The following ATG9A variants were observed in gnomAD, a reference collection of about 807,000 sequenced individuals.
ATG9A encodes autophagy-related protein 9A.
ATG9A carries 21 observed loss-of-function variants against 87.1 expected under a neutral mutation model. The ratio of observed to expected loss-of-function variants is 0.24; its 90% CI spans 0.17 to 0.35. The LOEUF is 0.35. Among genes scored for constraint, ATG9A ranks in the 10% least tolerant of loss-of-function variants. The probability of loss-of-function intolerance (pLI) is 1.00; values close to 1 mark genes in which losing one functional copy is unlikely to be tolerated. For missense variants in ATG9A, 836 were observed against 1,107.3 expected (o/e 0.76, Z 3.48); for synonymous variants, 422 against 441.3 (o/e 0.96, Z 0.55).
intron 6 of ATG9A, 97 bp downstream of exon 6, chr2:219,225,314 A>C: frequency 6.3e-7 from 1 of 1,595,492 alleles, no homozygotes; most frequent in Non-Finnish European, 8.6e-7. Context: ...AGCCTGAGTC[A>C]GTTCTGGAGT....
rs1451522985 is a variant in ATG9A at position 219,222,291 on chromosome 2, T to G, written c.2008A>C (p.Ser670Arg). The change falls in exon 12 of 16, where the codon AGC (serine) becomes CGC (arginine). Residue 670 changes from serine to arginine, a missense_variant. Ser to Arg is a moderately radical substitution (Grantham distance 110). This residue lies in a region of ATG9A where 324 missense variants were observed against 347.6 expected (regional missense o/e 0.93). Coordinates refer to ENST00000361242, the MANE Select transcript of ATG9A (RefSeq NM_001077198.3). This position sits in a 1 kb window ranked among gnomAD's most constrained non-coding sequence, Gnocchi z 4.3. ...ACTCACCCAGAGCCTGTCATGGTGC[T>G]GTGAGCCCGGCCTGTGGGCGCCTGC... Reference protein sequence around the residue: ...PGQAPTGRAHSTMTGSGVDAR... With the variant: ...PGQAPTGRAHRTMTGSGVDAR... 2 of 1,613,332 alleles carry G rather than the reference T, an allele frequency of 1.2e-6. No homozygotes were observed. Among genetic ancestry groups the G allele is most frequent in the African/African-American group, 2.7e-5 (2 of 74,934 alleles).
In ATG9A at chr2:219,224,072, A is replaced by G; in HGVS notation, c.1265+34T>C. 4 of 1,607,322 alleles carry G rather than the reference A, an allele frequency of 2.5e-6. No homozygotes were observed. Among genetic ancestry groups the G allele is most frequent in the East Asian group, 2.2e-5 (1 of 44,790 alleles). On this transcript the variant is annotated intron_variant, in intron 8 of 15. Coordinates refer to ENST00000361242, the MANE Select transcript of ATG9A (RefSeq NM_001077198.3). The surrounding 1 kb of genome is among the most constrained non-coding windows in gnomAD (Gnocchi z 7.7). ...GATGTATGCCTTTCCCAGGAATGCT[A>G]GCCGGCTTGCTCCCGCCTGTGGCCC...
At position 219,220,360 on chromosome 2, in the gene ATG9A, C is replaced by A; in HGVS notation, c.*87G>T. On this transcript the variant is annotated 3_prime_UTR_variant, in exon 16 of 16. Transcript: ENST00000361242. ...CACACACGTGGGGCCAGGGAACACT[C>A]AGAGGAGCCGTCCCATGGCAGGCAG... 1 of 1,534,268 alleles carries A rather than the reference C, an allele frequency of 6.5e-7. No homozygotes were observed.
rs756551689 is a variant in ATG9A at position 219,222,474 on chromosome 2, A to G, written c.1849-24T>C. ...GGCTATGAACGAAACGGGTAGGTAGAATTCTTGAGGCAAGAGAAAGGTCTC... is the reference window on the plus strand; with the variant it reads ...GGCTATGAACGAAACGGGTAGGTAGGATTCTTGAGGCAAGAGAAAGGTCTC... On this transcript the variant is annotated intron_variant, in intron 11 of 15. Transcript: ENST00000361242. The surrounding 1 kb of genome is among the most constrained non-coding windows in gnomAD (Gnocchi z 4.3). 3.2e-6 allele frequency: 5 copies of G among 1,544,270 alleles called. No homozygotes were observed. Among genetic ancestry groups the G allele is most frequent in the Non-Finnish European group, 3.5e-6 (4 of 1,147,136 alleles).
chr2:219,226,790 T>G (rs1950870158), intron 5 of ATG9A, 79 bp downstream of exon 5: 1 of 1,361,430 alleles, frequency 7.3e-7, no homozygotes, highest in Admixed American at 1.7e-5. Flanking sequence ...ACTGGCAGGT[T>G]GGGCCAAGTG....
rs752575134 is a variant in ATG9A at position 219,224,891 on chromosome 2, G to A, written c.517-37C>T. On this transcript the variant is annotated intron_variant, in intron 7 of 15. Transcript: ENST00000361242. This position sits in a 1 kb window ranked among gnomAD's most constrained non-coding sequence, Gnocchi z 7.7. Reference sequence around the variant, plus strand: ...GGTGGGGAAGAGACAAGGTACGGAAGGTGGGGTTGTTGCCTCGACCCCTTT... The same window carrying A: ...GGTGGGGAAGAGACAAGGTACGGAAAGTGGGGTTGTTGCCTCGACCCCTTT... 4.4e-6 allele frequency: 7 copies of A among 1,605,422 alleles called. No individual in the cohort carries two copies. Among genetic ancestry groups the A allele is most frequent in the Non-Finnish European group, 6.0e-6 (7 of 1,175,266 alleles).
chr2:219,224,768 A>G lies in ATG9A; in HGVS notation c.603T>C (p.Arg201=), dbSNP rs959321206. The G allele has an allele frequency of 3.7e-6, 6 of 1,614,094 alleles. No individual in the cohort carries two copies. The highest frequency in any genetic ancestry group is 5.1e-6 in the Non-Finnish European group (6 of 1,179,958). The change falls in exon 8 of 16, where the codon CGT becomes CGC. Residue 201 remains arginine (R), a synonymous_variant. Coordinates refer to ENST00000361242, the MANE Select transcript of ATG9A (RefSeq NM_001077198.3). The surrounding 1 kb of genome is among the most constrained non-coding windows in gnomAD (Gnocchi z 7.7). The part of the protein sequence containing the change: ...QKEHQICIHK[R]ELTELDIYHR... ...GGTAGATGTCCAGTTCTGTCAGCTC[A>G]CGTTTGTGGATGCAGATCTGGTGCT...
rs990039505 is a variant in ATG9A, at chr2:219,223,212, C to A, written c.1600-319G>T. On this transcript the variant is annotated intron_variant, in intron 10 of 15. Transcript: ENST00000361242. The surrounding 1 kb of genome is among the most constrained non-coding windows in gnomAD (Gnocchi z 4.7). Reference sequence around the variant, plus strand: ...ACGCCATTCTCCTGCCTCAGCCTCCCGAGTAGCTGGGACTACAGGCGCCCG... The same window carrying A: ...ACGCCATTCTCCTGCCTCAGCCTCCAGAGTAGCTGGGACTACAGGCGCCCG... Among the ~76,000 whole-genome samples the A allele has an allele frequency of 6.6e-6, 1 of 152,008 alleles. No homozygotes were observed. The highest frequency in any genetic ancestry group is 2.4e-5 in the African/African-American group (1 of 41,380).
rs1950902780 is a variant in ATG9A, at chr2:219,228,082, G to T, written c.-29-29C>A. 3 of 1,501,988 alleles carry T rather than the reference G, an allele frequency of 2.0e-6. No homozygotes were observed. In the Admixed American group the frequency reaches 5.4e-5, roughly 27 times the overall value. 93.0% of individuals were successfully genotyped at this position (1,501,988 alleles called of 1,614,324 possible). A position where few individuals can be genotyped will look rare whatever the true frequency, so the allele number is the denominator to read the frequency against. On this transcript the variant is annotated intron_variant, in intron 2 of 15. Transcript: ENST00000361242. ...CCAATAAGGAGGAAGAAGAGACCCT[G>T]ATTCAGTTCCAGCTGCTGCCCATGG...
rs369031181 is a variant in ATG9A, at chr2:219,224,120, G to T, written c.1251C>A (p.Thr417=). The T allele has an allele frequency of 1.0e-4, 166 of 1,613,330 alleles. No individual in the cohort carries two copies. In the African/African-American group the frequency reaches 1.8e-3, roughly 17 times the overall value. ...CCCTGGCCCACCTGCACACGGTCAC[G>T]GTGACCCCCAGGAGTGTGACGGTGG... ...VLTTVTLLGV[T]VTVCRSFIPD... Residue 417 remains threonine (T), a synonymous_variant, in exon 8 of 16, where the codon ACC becomes ACA. Coordinates refer to ENST00000361242, the MANE Select transcript of ATG9A (RefSeq NM_001077198.3). This position sits in a 1 kb window ranked among gnomAD's most constrained non-coding sequence, Gnocchi z 7.7.
Position 219,223,038 on chromosome 2 carries a change from G to C in ATG9A, c.1600-145C>G. 2 of 996,042 alleles carry C rather than the reference G, an allele frequency of 2.0e-6. No homozygotes were observed. Among genetic ancestry groups the C allele is most frequent in the Non-Finnish European group, 1.4e-6 (1 of 692,920 alleles). 61.7% of individuals were successfully genotyped at this position (996,042 alleles called of 1,614,324 possible). A position where few individuals can be genotyped will look rare whatever the true frequency, so the allele number is the denominator to read the frequency against. On this transcript the variant is annotated intron_variant, in intron 10 of 15. Transcript: ENST00000361242. This position sits in a 1 kb window ranked among gnomAD's most constrained non-coding sequence, Gnocchi z 4.7. Reference sequence around the variant, plus strand: ...TTCCCAGGGCACTGGTGCCCCCCCAGACCCAGGAGGGGCTGCACTGCATGC... The same window carrying C: ...TTCCCAGGGCACTGGTGCCCCCCCACACCCAGGAGGGGCTGCACTGCATGC...
In ATG9A at chr2:219,221,179, G is replaced by T. The variant is rs770757454; in HGVS notation, c.2269C>A (p.Pro757Thr). The T allele has an allele frequency of 6.2e-7, 1 of 1,601,140 alleles. No homozygotes were observed. The highest frequency in any genetic ancestry group is 1.1e-5 in the South Asian group (1 of 89,514). The change falls in exon 14 of 16, where the codon CCT (proline) becomes ACT (threonine). Residue 757 changes from proline to threonine, a missense_variant. Physicochemically the swap from Pro to Thr is conservative, Grantham distance 38. This residue lies in a region of ATG9A where 324 missense variants were observed against 347.6 expected (regional missense o/e 0.93). Transcript: ENST00000361242. ...GEGARAPQSI[P>T]RSASYPCAAP... ...GCACAGGGATAGCTAGCAGAGCGAGGGATAGACTGGGGGGCCCGGGCGCCC... is the reference window on the plus strand; with the variant it reads ...GCACAGGGATAGCTAGCAGAGCGAGTGATAGACTGGGGGGCCCGGGCGCCC...
chr2:219,226,619 C>T (rs1950866466), intron 5 of ATG9A, among the ~76,000 whole-genome samples: 1 of 151,986 alleles, frequency 6.6e-6, no homozygotes, highest in African/African-American at 2.4e-5. Context: ...ACCTGGGAGG[C>T]AGAGGTTGCA....
Position 219,221,280 on chromosome 2 carries a change from G to A in ATG9A, c.2168C>T (p.Ala723Val), listed in dbSNP as rs768091717. 2 of 1,566,120 alleles carry A rather than the reference G, an allele frequency of 1.3e-6. No homozygotes were observed. The highest frequency in any genetic ancestry group is 1.7e-6 in the Non-Finnish European group (2 of 1,157,186). Reference sequence around the variant, plus strand: ...GTGCCATACATGCCGCTCAGGTTCAGCCTGGGCCTGCTGCTTGTGGAGCTG... The same window carrying A: ...GTGCCATACATGCCGCTCAGGTTCAACCTGGGCCTGCTGCTTGTGGAGCTG... ...MHQLHKQQAQ[A>V]EPERHVWHRR... The change falls in exon 14 of 16, where the codon GCT (alanine) becomes GTT (valine). Residue 723 changes from alanine (A) to valine (V), a missense_variant. Ala to Val is a moderately conservative substitution (Grantham distance 64). Around this residue, in one of 2 missense-constraint regions of ATG9A, gnomAD observed 324 missense variants for 347.6 expected, o/e 0.93. Transcript: ENST00000361242.
chr2:219,227,763 A>C lies in ATG9A; in HGVS notation c.147+7T>G. On this transcript the variant is annotated splice_region_variant and intron_variant, in intron 4 of 15. Transcript: ENST00000361242. ...CCAGAGCTCCAACTCAGAAACACAA[A>C]GGATATTCGAGAGAAGAAGAGGTCA... 1 of 1,613,830 alleles carries C rather than the reference A, an allele frequency of 6.2e-7. No homozygotes were observed. The highest frequency in any genetic ancestry group is 8.5e-7 in the Non-Finnish European group (1 of 1,179,706).
chr2:219,227,927 C>T lies in ATG9A; in HGVS notation c.98G>A (p.Ser33Asn). The change falls in exon 3 of 16, where the codon AGC becomes AAC. Residue 33 changes from serine to asparagine, a missense_variant. Physicochemically the swap from Ser to Asn is conservative, Grantham distance 46. This residue lies in a region of ATG9A where 512 missense variants were observed against 759.6 expected (regional missense o/e 0.67). Transcript: ENST00000361242. ...TGTCATATCCAAGAACTCACACTTGCTCCCCTCGGCGACGTGCACCAACAG... is the reference window on the plus strand; with the variant it reads ...TGTCATATCCAAGAACTCACACTTGTTCCCCTCGGCGACGTGCACCAACAG... ...EDLLVHVAEG[S>N]KSPWHHIENL... 2 of 1,614,146 alleles carry T rather than the reference C, an allele frequency of 1.2e-6. No homozygotes were observed. The highest frequency in any genetic ancestry group is 8.5e-7 in the Non-Finnish European group (1 of 1,180,000).
chr2:219,220,999 CCTCTTT>C, intron 14 of ATG9A, 75 bp downstream of exon 14: 2 of 1,591,584 alleles, frequency 1.3e-6, no homozygotes, highest in South Asian at 2.2e-5. Flanking sequence ...TTCTCTCAGA[CCTCTTT>C]CCTCCCCTTG....
chr2:219,225,370 G>A (rs758884261), intron 6 of ATG9A, 41 bp downstream of exon 6: 1 of 1,606,412 alleles, frequency 6.2e-7, no homozygotes, highest in South Asian at 1.1e-5. Context: ...CCTGCTAGCA[G>A]AACTCAAGGC....
At chr2:219,227,128 A>G (rs1432139538) in intron 4 of ATG9A, among the ~76,000 whole-genome samples, 195 bp from the exon 5 acceptor site, 2 of 152,250 alleles carry the variant, frequency 1.3e-5, no homozygotes, top group Non-Finnish European at 2.9e-5. Flanking sequence ...TCATAGGAGT[A>G]TTAGGTCTAA....
Sources: allele counts gnomAD v4.1 joint callset (sites outside exome capture counted in the v4.1 genomes callset), GRCh38; gene constraint gnomAD v4.1.1; regional missense constraint gnomAD v4.1.1; non-coding constraint Gnocchi (gnomAD v3.1); transcripts MANE v1.5; gene names NCBI Gene and HGNC (gene_info 2026-07-23, HGNC 2026-07-21).